The following DRAM2 variants were observed in gnomAD, a reference collection of about 807,000 sequenced individuals.
The protein encoded by DRAM2 is DNA damage-regulated autophagy modulator protein 2.
A neutral mutation model predicts 33.5 loss-of-function variants in DRAM2; 26 were observed. The ratio of observed to expected loss-of-function variants is 0.78; its 90% CI spans 0.57 to 1.08. The LOEUF is 1.08. Among genes scored for constraint, DRAM2 ranks in the 50% least tolerant of loss-of-function variants. The probability of loss-of-function intolerance (pLI) is 0.00; values close to 1 mark genes in which losing one functional copy is unlikely to be tolerated. For synonymous variants in DRAM2, 98 were observed against 109.5 expected, an observed-to-expected ratio of 0.89 and a Z score of 0.66; for missense variants, 311 against 318.1, an observed-to-expected ratio of 0.98 and a Z score of 0.17.
chr1:111,137,739 C>G (rs1331685628), intron 2 of DRAM2, among the ~76,000 whole-genome samples, 153 bp from the exon 3 acceptor site: 1 of 151,974 alleles, frequency 6.6e-6, no homozygotes, highest in East Asian at 1.9e-4. Flanking sequence ...TGAGTTGACA[C>G]TTGAGTTTTT....
Position 111,124,803 on chromosome 1 carries a change from T to C in DRAM2, c.278A>G (p.Lys93Arg), listed in dbSNP as rs756751105. Residue 93 changes from lysine to arginine, a missense_variant, in exon 6 of 10, where the codon AAG (lysine) becomes AGG (arginine). Lys to Arg is a conservative substitution (Grantham distance 26). Coordinates refer to ENST00000484310, the MANE Select transcript of DRAM2 (RefSeq NM_001349884.2). ...PEENVIIKLNKAGLVLGILSC... is the reference protein window; with the variant it reads ...PEENVIIKLNRAGLVLGILSC... ...CAGTATTCCAAGTACAAGGCCAGCCTTGTTTAATTTGATGATAACGTTCTC... is the reference window on the plus strand; with the variant it reads ...CAGTATTCCAAGTACAAGGCCAGCCCTGTTTAATTTGATGATAACGTTCTC... 95 of 1,613,498 alleles carry C rather than the reference T, an allele frequency of 5.9e-5. No homozygotes were observed. Among genetic ancestry groups the C allele is most frequent in the Non-Finnish European group, 7.9e-5 (93 of 1,179,738 alleles).
intron 5 of DRAM2, 96 bp from the exon 6 acceptor site, chr1:111,124,977 C>A: frequency 1.0e-5 from 10 of 962,900 alleles, no homozygotes; most frequent in Middle Eastern, 3.1e-4. Context: ...TATCCAGAAT[C>A]ACAGATTTTC....
Position 111,118,274 on chromosome 1 carries a change from C to T in DRAM2, c.694-7G>A. On this transcript the variant is annotated splice_polypyrimidine_tract_variant and splice_region_variant and intron_variant, in intron 9 of 9. Coordinates refer to ENST00000484310, the MANE Select transcript of DRAM2 (RefSeq NM_001349884.2). ...CCACCCGTAAAGAAATTTTCTGGAA[C>T]AGAAAAGAAAATTATATATAGAAGT... is the stretch of plus-strand genomic sequence containing the variant. The T allele has an allele frequency of 1.9e-6, 3 of 1,599,910 alleles. No homozygotes were observed. The highest frequency in any genetic ancestry group is 2.6e-6 in the Non-Finnish European group (3 of 1,169,440).
At chr1:111,126,184 G>T in intron 5 of DRAM2, 43 bp downstream of exon 5, 1 of 1,245,092 alleles carries the variant, frequency 8.0e-7, no homozygotes, top group Non-Finnish European at 1.2e-6. Context: ...AAATACTGTA[G>T]CAATTTGGCT....
At chr1:111,139,385 T>C (rs539180066) in intron 2 of DRAM2, 116 bp downstream of exon 2, 5 of 152,262 alleles carry the variant, frequency 3.3e-5, no homozygotes, top group East Asian at 3.9e-4. Flanking sequence ...TGCGATAGAA[T>C]TGAGTGCAGA....
intron 9 of DRAM2, chr1:111,118,504 C>A: frequency 2.0e-6 from 1 of 492,126 alleles, no homozygotes; most frequent in Non-Finnish European, 3.5e-6. Context: ...ATCAGTAAAA[C>A]TAAATGTTGA....
chr1:111,123,534 T>C (rs968271592), intron 6 of DRAM2, among the ~76,000 whole-genome samples: 1 of 152,160 alleles, frequency 6.6e-6, no homozygotes, highest in African/African-American at 2.4e-5. Flanking sequence ...TCACCATAAA[T>C]ATATCACCTC....
intron 6 of DRAM2, among the ~76,000 whole-genome samples, chr1:111,121,291 C>T (rs1184576273): frequency 1.3e-5 from 2 of 152,018 alleles, no homozygotes; most frequent in Admixed American, 1.3e-4. Flanking sequence ...TATATAGTTA[C>T]ACTGCTATAA....
Position 111,131,584 on chromosome 1 carries a change from C to T in DRAM2, c.-14-16G>A. ...AACAGGTTTTCTGAAATAGAGAAAA[C>T]ATATTAGAAAAGATAATTCACAAGA... On this transcript the variant is annotated splice_polypyrimidine_tract_variant and intron_variant, in intron 3 of 9. Transcript: ENST00000484310. The T allele has an allele frequency of 1.2e-6, 2 of 1,612,642 alleles. No homozygotes were observed. The highest frequency in any genetic ancestry group is 1.7e-6 in the Non-Finnish European group (2 of 1,179,484).
chr1:111,126,350 T>C, intron 4 of DRAM2, 56 bp from the exon 5 acceptor site: 1 of 1,014,950 alleles, frequency 9.9e-7, no homozygotes, highest in Non-Finnish European at 1.5e-6. Flanking sequence ...ACACATATAT[T>C]TCTTCTAAGG....
At chr1:111,121,726 G>A (rs181201143) in intron 6 of DRAM2, among the ~76,000 whole-genome samples, 1 of 152,046 alleles carries the variant, frequency 6.6e-6, no homozygotes, top group Non-Finnish European at 1.5e-5. Context: ...ACAGCAATAA[G>A]AGAATTTTTT....
chr1:111,133,083 TC>T (rs1652433157), intron 3 of DRAM2, among the ~76,000 whole-genome samples: 1 of 151,966 alleles, frequency 6.6e-6, no homozygotes, highest in South Asian at 2.1e-4. Flanking sequence ...ACCAATCTGA[TC>T]CCCTTATTCT....
At chr1:111,139,826 GCCCCAACCAGCCC>G (rs979548700) in intron 1 of DRAM2, 160 bp from the exon 2 acceptor site, 9 of 121,838 alleles carry the variant, frequency 7.4e-5, no homozygotes, top group African/African-American at 2.8e-4. Context: ...CGCAGCTCCC[GCCCCAACCAGCCC>G]CCCTCTGGCG....
chr1:111,129,031 G>A (rs541122744), intron 4 of DRAM2, among the ~76,000 whole-genome samples: 1 of 152,214 alleles, frequency 6.6e-6, no homozygotes, highest in East Asian at 1.9e-4. Context: ...TTTGGGTTCT[G>A]TAAATCTTCC....
At chr1:111,125,134 C>T (rs1445068794) in intron 5 of DRAM2, among the ~76,000 whole-genome samples, 20 of 152,166 alleles carry the variant, frequency 1.3e-4, no homozygotes, top group Non-Finnish European at 1.5e-5. Flanking sequence ...GCCTCAGCCT[C>T]CCAGATAGCT....
intron 3 of DRAM2, among the ~76,000 whole-genome samples, chr1:111,136,280 T>C (rs1407550333): frequency 2.0e-5 from 3 of 152,130 alleles, no homozygotes; most frequent in South Asian, 2.1e-4. Flanking sequence ...AATGGAATAA[T>C]GTGAGGCTGG....
rs917501635 is a variant in DRAM2 at position 111,126,409 on chromosome 1, A to G, written c.132-115T>C. The G allele has an allele frequency of 2.2e-5, 14 of 625,086 alleles. 1 individual carries two copies. In the Admixed American group the frequency reaches 2.5e-4, roughly 11 times the overall value. The allele number at this position is 625,086 out of a possible 1,614,324, so 38.7% of individuals were successfully genotyped here. ...CAAACCTCTTATCTTTTATAAATCC[A>G]TGAGTTCAACTCATATCATTTTATA... On this transcript the variant is annotated intron_variant, in intron 4 of 9. Transcript: ENST00000484310.
intron 5 of DRAM2, 73 bp from the exon 6 acceptor site, chr1:111,124,954 CA>C (rs1650716082): frequency 1.5e-6 from 2 of 1,314,778 alleles, no homozygotes. Flanking sequence ...GAAGAGTTCA[CA>C]AAGGTCACTG....
At chr1:111,124,543 G>A (rs915756531) in intron 6 of DRAM2, among the ~76,000 whole-genome samples, 199 bp downstream of exon 6, 4 of 152,090 alleles carry the variant, frequency 2.6e-5, no homozygotes, top group African/African-American at 9.7e-5. Flanking sequence ...ATTTGTATTT[G>A]TTCAGACTTT....
Sources: gnomAD v4.1 joint callset for allele counts (sites outside exome capture counted in the v4.1 genomes callset) on GRCh38, gnomAD v4.1.1 for gene constraint, MANE v1.5 for transcripts, NCBI Gene and HGNC (gene_info 2026-07-23, HGNC 2026-07-21) for gene names.